The following CPED1 variants were observed in gnomAD, a reference collection of about 807,000 sequenced individuals.
CPED1 encodes cadherin like and PC-esterase domain containing 1.
In CPED1, 114 loss-of-function variants were observed where a neutral mutation model predicts 128.2. The ratio of observed to expected loss-of-function variants is 0.89; its 90% CI spans 0.76 to 1.04. The LOEUF (loss-of-function observed/expected upper bound fraction) is 1.04. CPED1 is among the 50% of genes least tolerant of loss of function. CPED1 has a pLI of 0.00. For synonymous variants in CPED1, 462 were observed against 426.7 expected (o/e 1.08, Z -1.02); for missense variants, 1,211 against 1,207.1 (o/e 1.00, Z -0.05).
At chr7:121,022,844 A>T (rs1268541268) in intron 3 of CPED1, among the ~76,000 whole-genome samples, 1 of 152,064 alleles carries the variant, frequency 6.6e-6, no homozygotes, top group East Asian at 1.9e-4. Flanking sequence ...TCTTAGTGTA[A>T]TGTAAGTTTT....
chr7:121,267,044 C>G (rs1663311142), intron 20 of CPED1, among the ~76,000 whole-genome samples, 171 bp from the exon 21 acceptor site: 2 of 151,926 alleles, frequency 1.3e-5, no homozygotes, highest in Admixed American at 1.3e-4. Flanking sequence ...ACACCTAAAA[C>G]TCTATCTTAA....
intron 7 of CPED1, among the ~76,000 whole-genome samples, chr7:121,116,955 T>G (rs1166384981): frequency 1.2e-5 from 1 of 80,914 alleles, no homozygotes; most frequent in Non-Finnish European, 2.7e-5. Flanking sequence ...TCTCTCTCTC[T>G]CTCTCTCTAT....
intron 22 of CPED1, among the ~76,000 whole-genome samples, chr7:121,288,804 CT>C (rs1430429392): frequency 3.9e-5 from 6 of 152,102 alleles, no homozygotes; most frequent in Admixed American, 1.3e-4. Flanking sequence ...AGCCAGAACT[CT>C]AGATAAAATC....
At chr7:121,010,910 T>C (rs1792149593) in intron 2 of CPED1, among the ~76,000 whole-genome samples, 1 of 152,230 alleles carries the variant, frequency 6.6e-6, no homozygotes, top group Admixed American at 6.5e-5. Flanking sequence ...GTATATGATA[T>C]AGATCCTAGA....
At chr7:121,047,910 G>A (rs541921688) in intron 4 of CPED1, among the ~76,000 whole-genome samples, 1 of 152,044 alleles carries the variant, frequency 6.6e-6, no homozygotes, top group African/African-American at 2.4e-5. Context: ...GTTTCACCGT[G>A]TTAGCCAGGA....
intron 22 of CPED1, among the ~76,000 whole-genome samples, chr7:121,277,904 A>T (rs1418385944): frequency 6.6e-6 from 1 of 152,126 alleles, no homozygotes. Flanking sequence ...TAGAAGGTGA[A>T]GCCATGGAAA....
chr7:121,030,206 GC>G lies in CPED1; in HGVS notation c.433+14360del, dbSNP rs140762119. Among the ~76,000 whole-genome samples the G allele has an allele frequency of 5.4e-3, 826 of 151,968 alleles. 7 individuals are homozygous for G. Among genetic ancestry groups the G allele is most frequent in the African/African-American group, 0.019 (788 of 41,402 alleles). On this transcript the variant is annotated intron_variant, in intron 3 of 22. Coordinates refer to ENST00000310396, the MANE Select transcript of CPED1 (RefSeq NM_024913.5). ...TTTATGTTCTACTCTTTTACCTCCT[GC>G]CTCTTTACAAACAGTACATGATAAA...
In CPED1 at chr7:120,989,653, G is replaced by C; in HGVS notation, c.32G>C (p.Arg11Pro). 2 of 1,613,888 alleles carry C rather than the reference G, an allele frequency of 1.2e-6. No homozygotes were observed. Among genetic ancestry groups the C allele is most frequent in the Non-Finnish European group, 1.7e-6 (2 of 1,179,990 alleles). MVCRPVFPCR[R>P]RFCPRPFLVG... is the part of the protein sequence containing the mutation. Reference sequence around the variant, plus strand: ...TGTCGCCCAGTGTTCCCTTGTCGTCGGCGATTTTGCCCCCGACCCTTCTTG... The same window carrying C: ...TGTCGCCCAGTGTTCCCTTGTCGTCCGCGATTTTGCCCCCGACCCTTCTTG... The change falls in exon 2 of 23, where the codon CGG (arginine) becomes CCG (proline). Residue 11 changes from arginine (R) to proline (P), a missense_variant. By Grantham distance (103) the Arg-to-Pro change is moderately radical. Coordinates refer to ENST00000310396, the MANE Select transcript of CPED1 (RefSeq NM_024913.5).
chr7:121,210,170 C>T (rs973694391), intron 16 of CPED1, among the ~76,000 whole-genome samples: 2 of 151,692 alleles, frequency 1.3e-5, no homozygotes, highest in African/African-American at 2.4e-5. Context: ...CAAAGGGAGG[C>T]GAGGATGTGA....
At chr7:121,158,106 C>A (rs1329840080) in intron 16 of CPED1, among the ~76,000 whole-genome samples, 1 of 152,138 alleles carries the variant, frequency 6.6e-6, no homozygotes, top group African/African-American at 2.4e-5. Context: ...CATTGGTAAT[C>A]TGCAAATGTT....
Position 121,256,120 on chromosome 7 carries a change from AAAACAAAAC to A in CPED1, c.2311-10103_2311-10095del, listed in dbSNP as rs1157773325. On this transcript the variant is annotated intron_variant, in intron 18 of 22. Coordinates refer to ENST00000310396, the MANE Select transcript of CPED1 (RefSeq NM_024913.5). ...TTAAAGCAATCCTAAGCAAAAAAAA[AAAACAAAAC>A]AAAAAAAAAAAACAAAGCTTATGCC... 9.5e-4 allele frequency among the ~76,000 whole-genome samples: 38 copies of A among 40,208 alleles called. 1 individual carries two copies. The highest frequency in any genetic ancestry group is 1.8e-3 in the South Asian group (1 of 552). The allele number at this position is 40,208 out of a possible 152,430, so 26.4% of individuals were successfully genotyped here. A position where few individuals can be genotyped will look rare whatever the true frequency, so the allele number is the denominator to read the frequency against.
In CPED1 at chr7:121,295,653, G is replaced by T; in HGVS notation, c.*1G>T. The T allele has an allele frequency of 6.2e-7, 1 of 1,613,050 alleles. No homozygotes were observed. The highest frequency in any genetic ancestry group is 8.5e-7 in the Non-Finnish European group (1 of 1,179,178). ...GTGTGCAAATAAAAGGACTATGTAGGCTCCCTGCAGGAGAGCTGAATCTGG... is the reference window on the plus strand; with the variant it reads ...GTGTGCAAATAAAAGGACTATGTAGTCTCCCTGCAGGAGAGCTGAATCTGG... On this transcript the variant is annotated 3_prime_UTR_variant, in exon 23 of 23. Coordinates refer to ENST00000310396, the MANE Select transcript of CPED1 (RefSeq NM_024913.5).
Position 121,098,781 on chromosome 7 carries a change from A to T in CPED1, c.749+950A>T, listed in dbSNP as rs13224852. ...AAATATATATAAATATATATATATA[A>T]AAATATATAAAAATATATATAAATA... is the stretch of plus-strand genomic sequence containing the variant. On this transcript the variant is annotated intron_variant, in intron 6 of 22. Transcript: ENST00000310396. 1.4e-3 allele frequency among the ~76,000 whole-genome samples: 154 copies of T among 112,982 alleles called. 3 individuals are homozygous for T. The highest frequency in any genetic ancestry group is 4.4e-3 in the African/African-American group (127 of 29,046). 74.1% of individuals were successfully genotyped at this position (112,982 alleles called of 152,430 possible).
At chr7:121,071,256 A>AAT (rs1383751105) in intron 5 of CPED1, among the ~76,000 whole-genome samples, 1 of 152,064 alleles carries the variant, frequency 6.6e-6, no homozygotes, top group Non-Finnish European at 1.5e-5. Context: ...ATCCCTGTAC[A>AAT]ATTCAGTAAC....
intron 3 of CPED1, among the ~76,000 whole-genome samples, chr7:121,036,713 A>C (rs969179115): frequency 1.5e-4 from 23 of 152,112 alleles, no homozygotes; most frequent in African/African-American, 5.6e-4. Flanking sequence ...AGGAATCTCC[A>C]CACTGTTTTC....
At chr7:121,090,945 A>G (rs12534517) in intron 5 of CPED1, among the ~76,000 whole-genome samples, 3,343 of 152,026 alleles carry the variant, frequency 0.022, 137 homozygotes, top group African/African-American at 0.076. Flanking sequence ...GTGAGACTCT[A>G]TCTAAAAAAA....
At chr7:121,243,518 A>T (rs182116900) in intron 17 of CPED1, among the ~76,000 whole-genome samples, 7 of 152,176 alleles carry the variant, frequency 4.6e-5, no homozygotes, top group Admixed American at 3.9e-4. Flanking sequence ...GAACTCTGTT[A>T]GTAACAAAAG....
intron 3 of CPED1, among the ~76,000 whole-genome samples, chr7:121,023,003 G>A (rs890412506): frequency 2.7e-4 from 41 of 151,452 alleles, no homozygotes; most frequent in Non-Finnish European, 4.4e-4. Context: ...TTACTTCATA[G>A]GATAGTAAGT....
intron 5 of CPED1, among the ~76,000 whole-genome samples, chr7:121,071,954 C>T (rs1306520913): frequency 6.6e-6 from 1 of 152,054 alleles, no homozygotes; most frequent in Non-Finnish European, 1.5e-5. Flanking sequence ...TTTCTTTTGG[C>T]CTTCCTCATT....
Sources: allele counts gnomAD v4.1 joint callset (sites outside exome capture counted in the v4.1 genomes callset), GRCh38; gene constraint gnomAD v4.1.1; transcripts MANE v1.5; gene names NCBI Gene and HGNC (gene_info 2026-07-23, HGNC 2026-07-21).